Variants in CCDC91 observed in about 807,000 individuals in gnomAD.
CCDC91 encodes the protein coiled-coil domain containing 91.
In CCDC91, 48 loss-of-function variants were observed where a neutral mutation model predicts 63.2. The observed-to-expected ratio is 0.76, with a 90% CI of 0.60 to 0.97. CCDC91 has a LOEUF of 0.97. Among genes scored for constraint, CCDC91 ranks in the 50% least tolerant of loss-of-function variants. The pLI is 0.00. For missense variants in CCDC91, 500 were observed against 494.6 expected (o/e 1.01, Z -0.10); for synonymous variants, 167 against 165.8 (o/e 1.01, Z -0.06).
At chr12:28,232,517 A>G (rs1944667292) in intron 1 of CCDC91, among the ~76,000 whole-genome samples, 1 of 152,104 alleles carries the variant, frequency 6.6e-6, no homozygotes, top group Non-Finnish European at 1.5e-5. Context: ...TTAGCTTCTC[A>G]CATAACAACT....
chr12:28,333,418 A>G (rs984538757), intron 6 of CCDC91, among the ~76,000 whole-genome samples: 107 of 150,102 alleles, frequency 7.1e-4, no homozygotes, highest in African/African-American at 2.5e-3. Context: ...AAAAAAAATT[A>G]AATAAACAAT....
chr12:28,325,082 A>G (rs1424748449), intron 6 of CCDC91, among the ~76,000 whole-genome samples: 1 of 151,990 alleles, frequency 6.6e-6, no homozygotes, highest in Non-Finnish European at 1.5e-5. Flanking sequence ...AAGAAAAACA[A>G]TTGCATCCAG....
At chr12:28,291,308 C>T (rs1424454792) in intron 3 of CCDC91, among the ~76,000 whole-genome samples, 5 of 152,160 alleles carry the variant, frequency 3.3e-5, no homozygotes, top group Non-Finnish European at 7.3e-5. Flanking sequence ...GTAAATATAG[C>T]AGATGAGACA....
In CCDC91 at chr12:28,259,399, C is replaced by T. The variant is rs564997068; in HGVS notation, c.66C>T (p.Thr22=). 15 of 1,611,868 alleles carry T rather than the reference C, an allele frequency of 9.3e-6. No homozygotes were observed. In the South Asian group the frequency reaches 1.6e-4, roughly 18 times the overall value. Residue 22 remains threonine, a synonymous_variant, in exon 3 of 13, where the codon ACC becomes ACT. Coordinates refer to ENST00000536442, the MANE Select transcript of CCDC91 (RefSeq NM_018318.5). ...AETFDGGSGE[T]QTTSPAIPWA... ...CTTTTGATGGTGGAAGTGGTGAAAC[C>T]CAAACAACATCTCCTGCTATTCCTT...
intron 2 of CCDC91, among the ~76,000 whole-genome samples, chr12:28,258,601 A>G (rs1946611162): frequency 6.6e-6 from 1 of 151,956 alleles, no homozygotes; most frequent in South Asian, 2.1e-4. Context: ...GTTATATAAA[A>G]TATGTTCATT....
intron 1 of CCDC91, among the ~76,000 whole-genome samples, chr12:28,204,440 T>A (rs1275182728): frequency 6.6e-6 from 1 of 152,186 alleles, no homozygotes; most frequent in Admixed American, 6.5e-5. Flanking sequence ...TGATGCATAC[T>A]GGCATTTTTT....
chr12:28,339,491 T>A (rs1011794880), intron 6 of CCDC91, among the ~76,000 whole-genome samples: 12 of 151,436 alleles, frequency 7.9e-5, no homozygotes, highest in Non-Finnish European at 1.6e-4. Flanking sequence ...CTTATCTGTA[T>A]CTGCAGATTT....
intron 8 of CCDC91, among the ~76,000 whole-genome samples, chr12:28,426,784 ATGTT>A (rs1341456173): frequency 2.0e-5 from 3 of 152,150 alleles, no homozygotes; most frequent in African/African-American, 7.2e-5. Context: ...AATTTCAAAA[ATGTT>A]TGTCATATCC....
chr12:28,295,284 A>G (rs1307564201), intron 3 of CCDC91, among the ~76,000 whole-genome samples: 3 of 152,188 alleles, frequency 2.0e-5, no homozygotes, highest in African/African-American at 7.2e-5. Flanking sequence ...TTTAATATAT[A>G]TCTACTTTAT....
chr12:28,252,671 A>G (rs576878826), intron 1 of CCDC91, among the ~76,000 whole-genome samples: 1 of 151,912 alleles, frequency 6.6e-6, no homozygotes, highest in Non-Finnish European at 1.5e-5. Context: ...TGAAGATACT[A>G]TGGTTTTGTT....
At chr12:28,249,421 A>C (rs1945974037) in intron 1 of CCDC91, among the ~76,000 whole-genome samples, 1 of 152,160 alleles carries the variant, frequency 6.6e-6, no homozygotes, top group Non-Finnish European at 1.5e-5. Context: ...TTTATTGTTA[A>C]AACCTGGCTT....
Position 28,272,447 on chromosome 12 carries a change from A to G in CCDC91, c.109+13005A>G, listed in dbSNP as rs935195968. On this transcript the variant is annotated intron_variant, in intron 3 of 12. Coordinates refer to ENST00000536442, the MANE Select transcript of CCDC91 (RefSeq NM_018318.5). ...TTTTTTTTTGAAAAAAAATTAAAAA[A>G]CTCTCTCTACTATGTCCATTAACCT... 7.5e-5 allele frequency among the ~76,000 whole-genome samples: 11 copies of G among 146,794 alleles called. No individual in the cohort carries two copies. The South Asian group carries it at 1.3e-3, about 17-fold the overall frequency.
At chr12:28,402,520 A>ATTTTTTTTTTTTTT (rs57398967) in intron 8 of CCDC91, among the ~76,000 whole-genome samples, 3 of 51,940 alleles carry the variant, frequency 5.8e-5, no homozygotes, top group African/African-American at 1.6e-4. Flanking sequence ...AGTTCCAGGA[A>ATTTTTTTTTTTTTT]TTTTTTTTTT....
intron 8 of CCDC91, among the ~76,000 whole-genome samples, chr12:28,425,012 C>CG (rs1948227731): frequency 6.6e-6 from 1 of 152,110 alleles, no homozygotes; most frequent in African/African-American, 2.4e-5. Flanking sequence ...GTGGCATGTA[C>CG]TTGAGGAGTC....
Position 28,307,650 on chromosome 12 carries a change from G to A in CCDC91, c.477G>A (p.Val159=). The change falls in exon 6 of 13, where the codon GTG becomes GTA. Residue 159 remains valine (V), a synonymous_variant. Transcript: ENST00000536442. The part of the protein sequence containing the change: ...EEEKQRIKQD[V]ESLMEKHNVL... ...TATTTGTATTTTTATTTTAGGATGT[G>A]GAATCATTGATGGAAAAGCATAATG... The A allele has an allele frequency of 6.7e-7, 1 of 1,488,618 alleles. No individual in the cohort carries two copies. Among genetic ancestry groups the A allele is most frequent in the South Asian group, 1.2e-5 (1 of 80,314 alleles). 92.2% of individuals were successfully genotyped at this position (1,488,618 alleles called of 1,614,324 possible).
At chr12:28,474,348 C>T (rs1950972876) in intron 11 of CCDC91, among the ~76,000 whole-genome samples, 1 of 152,068 alleles carries the variant, frequency 6.6e-6, no homozygotes. Context: ...GTTTGTAATG[C>T]ACCAAACAGC....
At chr12:28,284,141 G>GT (rs897131376) in intron 3 of CCDC91, among the ~76,000 whole-genome samples, 2 of 151,542 alleles carry the variant, frequency 1.3e-5, no homozygotes, top group Non-Finnish European at 2.9e-5. Flanking sequence ...TATTGAGTAG[G>GT]TTTTTTTCCA....
intron 8 of CCDC91, among the ~76,000 whole-genome samples, chr12:28,419,061 C>T (rs142233043): frequency 1.1e-3 from 160 of 152,058 alleles, no homozygotes; most frequent in African/African-American, 3.4e-3. Context: ...AGATATTCTA[C>T]GGGAAAAACA....
chr12:28,406,418 T>C (rs1215681528), intron 8 of CCDC91, among the ~76,000 whole-genome samples: 4 of 152,172 alleles, frequency 2.6e-5, no homozygotes, highest in Non-Finnish European at 5.9e-5. Context: ...AATACCTAGC[T>C]AGGTTGTATG....
Sources: allele counts gnomAD v4.1 joint callset (sites outside exome capture counted in the v4.1 genomes callset), GRCh38; gene constraint gnomAD v4.1.1; transcripts MANE v1.5; gene names NCBI Gene and HGNC (gene_info 2026-07-23, HGNC 2026-07-21).